Variants in GLS observed in about 807,000 individuals in gnomAD.
GLS encodes glutaminase.
Under a neutral mutation model 86.7 loss-of-function variants are expected in GLS, and 36 were observed. The observed-to-expected ratio is 0.42, with a 90% CI of 0.32 to 0.55. The LOEUF (loss-of-function observed/expected upper bound fraction) is 0.55, where lower values mean the gene tolerates loss of function less well. GLS is among the 20% of genes least tolerant of loss of function. The pLI is 0.17. For missense variants in GLS, 528 were observed against 833.4 expected (o/e 0.63, Z 4.51); for synonymous variants, 317 against 305.9 (o/e 1.04, Z -0.38).
In GLS at chr2:190,897,784, A is replaced by T. The variant is rs1352880744; in HGVS notation, c.605+2059A>T. On this transcript the variant is annotated intron_variant, in intron 3 of 17. Coordinates refer to ENST00000320717, the MANE Select transcript of GLS (RefSeq NM_014905.5). The surrounding 1 kb of genome is among the most constrained non-coding windows in gnomAD (Gnocchi z 4.3). The stretch of plus-strand genomic sequence containing the variant: ...ACATGGGATTCATTTTTCCCCAGAG[A>T]AATAATTTATAAAGGTGGGTAGGTT... Among the ~76,000 whole-genome samples, 1 of 152,192 alleles carries T rather than the reference A, an allele frequency of 6.6e-6. No individual in the cohort carries two copies. The highest frequency in any genetic ancestry group is 2.4e-5 in the African/African-American group (1 of 41,442).
At chr2:190,927,967 T>C (rs1246563652) in intron 12 of GLS, among the ~76,000 whole-genome samples, 1 of 152,164 alleles carries the variant, frequency 6.6e-6, no homozygotes, top group African/African-American at 2.4e-5. Context: ...TTTTATTTCA[T>C]TCTGCTCATG....
At chr2:190,882,519 G>A (rs537037939) in intron 1 of GLS, among the ~76,000 whole-genome samples, 67 of 152,012 alleles carry the variant, frequency 4.4e-4, no homozygotes, top group Non-Finnish European at 8.2e-4. Flanking sequence ...AACCTGTTTT[G>A]CTTCCCTTTT....
rs1689945701 is a variant in GLS, at chr2:190,927,718, T to C, written c.1425+236T>C. 1.0e-5 allele frequency: 4 copies of C among 385,032 alleles called. No homozygotes were observed. The South Asian group carries it at 1.5e-4, about 14-fold the overall frequency. 23.9% of individuals were successfully genotyped at this position (385,032 alleles called of 1,614,324 possible). On this transcript the variant is annotated intron_variant, in intron 12 of 17. Coordinates refer to ENST00000320717, the MANE Select transcript of GLS (RefSeq NM_014905.5). ...CTCATCCCTTCTGCTTTTAAGGCAA[T>C]CCAGTGTACAAGGTTAGTACAGTCT...
At position 190,953,483 on chromosome 2, in the gene GLS, T is replaced by C. The variant is rs956174839; in HGVS notation, c.1651-82T>C. The stretch of plus-strand genomic sequence containing the variant: ...ACTCAGCTGAAGTGTTCAAAGCACA[T>C]GGAAATCACTTGCCAGTGACAGGTG... On this transcript the variant is annotated intron_variant, in intron 14 of 17. Coordinates refer to ENST00000320717, the MANE Select transcript of GLS (RefSeq NM_014905.5). The surrounding 1 kb of genome is among the most constrained non-coding windows in gnomAD (Gnocchi z 4.0). 2 of 935,212 alleles carry C rather than the reference T, an allele frequency of 2.1e-6. No homozygotes were observed. Among genetic ancestry groups the C allele is most frequent in the African/African-American group, 1.6e-5 (1 of 62,082 alleles). 57.9% of individuals were successfully genotyped at this position (935,212 alleles called of 1,614,324 possible).
At chr2:190,916,882 A>G (rs993573655) in intron 7 of GLS, among the ~76,000 whole-genome samples, 6 of 152,202 alleles carry the variant, frequency 3.9e-5, no homozygotes, top group African/African-American at 1.4e-4. Flanking sequence ...TAATTAAAAA[A>G]TATTTTATAG....
intron 6 of GLS, among the ~76,000 whole-genome samples, chr2:190,909,015 A>G (rs1159858386): frequency 6.6e-6 from 1 of 152,242 alleles, no homozygotes. Context: ...AATGACAGAT[A>G]ATAAACATCC....
chr2:190,953,420 G>T lies in GLS; in HGVS notation c.1651-145G>T. ...AAGTATCACACACGTGGGTTCTTTT[G>T]GCTATGGAAGTGTCCTTGAGATCAC... On this transcript the variant is annotated intron_variant, in intron 14 of 17. Transcript: ENST00000320717. The surrounding 1 kb of genome is among the most constrained non-coding windows in gnomAD (Gnocchi z 4.0). 1.7e-6 allele frequency: 1 copy of T among 605,708 alleles called. No homozygotes were observed. The highest frequency in any genetic ancestry group is 3.0e-6 in the Non-Finnish European group (1 of 329,160). The allele number at this position is 605,708 out of a possible 1,614,324, so 37.5% of individuals were successfully genotyped here.
At chr2:190,885,881 A>G (rs1297976569) in intron 1 of GLS, among the ~76,000 whole-genome samples, 1 of 147,492 alleles carries the variant, frequency 6.8e-6, no homozygotes, top group Non-Finnish European at 1.5e-5. Flanking sequence ...TTATTTATTT[A>G]TTTATTTTTG....
chr2:190,921,010 T>C lies in GLS; in HGVS notation c.1039-14T>C. Reference sequence around the variant, plus strand: ...ACCTATATTAACGTATTTATGTCTCTTATTTTTTTGCAGCAAGGAGTAAAT... The same window carrying C: ...ACCTATATTAACGTATTTATGTCTCCTATTTTTTTGCAGCAAGGAGTAAAT... On this transcript the variant is annotated splice_polypyrimidine_tract_variant and intron_variant, in intron 7 of 17. Transcript: ENST00000320717. This position sits in a 1 kb window ranked among gnomAD's most constrained non-coding sequence, Gnocchi z 4.2. The C allele has an allele frequency of 6.8e-7, 1 of 1,464,496 alleles. No homozygotes were observed. Among genetic ancestry groups the C allele is most frequent in the Non-Finnish European group, 9.6e-7 (1 of 1,045,998 alleles). The allele number at this position is 1,464,496 out of a possible 1,614,324, so 90.7% of individuals were successfully genotyped here. A position where few individuals can be genotyped will look rare whatever the true frequency, so the allele number is the denominator to read the frequency against.
At chr2:190,911,039 A>G (rs991828375) in intron 7 of GLS, among the ~76,000 whole-genome samples, 1 of 150,830 alleles carries the variant, frequency 6.6e-6, no homozygotes, top group Non-Finnish European at 1.5e-5. Flanking sequence ...TAAATCTACC[A>G]CACGATTTTA....
rs1227765984 is a variant in GLS, at chr2:190,880,870, C to T, written c.-215C>T. 4 of 716,764 alleles carry T rather than the reference C, an allele frequency of 5.6e-6. No individual in the cohort carries two copies. Among genetic ancestry groups the T allele is most frequent in the Middle Eastern group, 7.5e-4 (2 of 2,676 alleles). 44.4% of individuals were successfully genotyped at this position (716,764 alleles called of 1,614,324 possible). A position where few individuals can be genotyped will look rare whatever the true frequency, so the allele number is the denominator to read the frequency against. ...AGAGAACCGGTCGCGGCAATCCTAG[C>T]GCGCAGCAGCAGCAGCAGCAGCAGC... On this transcript the variant is annotated 5_prime_UTR_variant, in exon 1 of 18. Coordinates refer to ENST00000320717, the MANE Select transcript of GLS (RefSeq NM_014905.5).
chr2:190,905,110 T>TA lies in GLS; in HGVS notation c.923dup (p.Tyr308Ter), dbSNP rs1212883982. The TA allele has an allele frequency of 6.2e-7, 1 of 1,606,158 alleles. No individual in the cohort carries two copies. ...TCTTGGAACTGAATATGTGCATCGA[T>TA]ATGTTGGAAAAGAGCCGAGTGGACT... ...NDLGTEYVHRYVGKEPSGLRF... is the reference protein window; with the variant it reads ...NDLGTEYVHR The change falls in exon 6 of 18, where the codon TAT (tyrosine) becomes TAAT (stop). Residue 308 changes from tyrosine (Y) to a stop codon, truncating the protein, a stop_gained and frameshift_variant. Transcript: ENST00000320717. LOFTEE classifies it high-confidence loss of function. The surrounding 1 kb of genome is among the most constrained non-coding windows in gnomAD (Gnocchi z 4.6).
At position 190,943,668 on chromosome 2, in the gene GLS, GTAT is replaced by G. The variant is rs1462398017; in HGVS notation, c.1651-9893_1651-9891del. 2.0e-5 allele frequency among the ~76,000 whole-genome samples: 3 copies of G among 152,086 alleles called. No individual in the cohort carries two copies. In the East Asian group the frequency reaches 5.8e-4, roughly 29 times the overall value. Reference sequence around the variant, plus strand: ...ATATGCTTTTCTCCAGCAATTTTCTGTATTATATGTTGGAGGAGCCTGCTATGT... The same window carrying G: ...ATATGCTTTTCTCCAGCAATTTTCTGTATATGTTGGAGGAGCCTGCTATGT... On this transcript the variant is annotated intron_variant, in intron 14 of 17. Transcript: ENST00000320717. The surrounding 1 kb of genome is among the most constrained non-coding windows in gnomAD (Gnocchi z 4.5).
intron 14 of GLS, among the ~76,000 whole-genome samples, chr2:190,948,998 G>C (rs765912827): frequency 2.0e-5 from 3 of 152,140 alleles, no homozygotes; most frequent in Non-Finnish European, 4.4e-5. Context: ...ATGCTGGGCT[G>C]GGATGGCCTG....
rs1689729134 is a variant in GLS, at chr2:190,921,299, TA to T, written c.1130+99del. 4.6e-5 allele frequency: 40 copies of T among 870,430 alleles called. No individual in the cohort carries two copies. The South Asian group carries it at 5.4e-4, about 12-fold the overall frequency. 53.9% of individuals were successfully genotyped at this position (870,430 alleles called of 1,614,324 possible). A position where few individuals can be genotyped will look rare whatever the true frequency, so the allele number is the denominator to read the frequency against. Reference sequence around the variant, plus strand: ...TCATTGGAGGGAAATGAATGATTTCTAAATTACCTGACAGAAACACTTAAAA... The same window carrying T: ...TCATTGGAGGGAAATGAATGATTTCTAATTACCTGACAGAAACACTTAAAA... On this transcript the variant is annotated intron_variant, in intron 9 of 17. Coordinates refer to ENST00000320717, the MANE Select transcript of GLS (RefSeq NM_014905.5). The surrounding 1 kb of genome is among the most constrained non-coding windows in gnomAD (Gnocchi z 4.2).
intron 6 of GLS, among the ~76,000 whole-genome samples, chr2:190,908,286 G>T (rs987376557): frequency 6.6e-6 from 1 of 151,852 alleles, no homozygotes; most frequent in Admixed American, 6.6e-5. Flanking sequence ...AATATTTTTC[G>T]TTCTTTAGTA....
intron 14 of GLS, among the ~76,000 whole-genome samples, chr2:190,946,239 C>T (rs1261712599): frequency 6.6e-6 from 1 of 152,070 alleles, no homozygotes; most frequent in African/African-American, 2.4e-5. Flanking sequence ...TTTCTTTAGC[C>T]ACAGTATAAT....
At chr2:190,885,039 A>T (rs1386347888) in intron 1 of GLS, among the ~76,000 whole-genome samples, 1 of 152,210 alleles carries the variant, frequency 6.6e-6, no homozygotes, top group Non-Finnish European at 1.5e-5. Flanking sequence ...GCATGCTTTA[A>T]AATATATTTA....
chr2:190,897,628 C>G lies in GLS; in HGVS notation c.605+1903C>G, dbSNP rs1283940103. ...CCTCCAACTGTTAACCTTTTAATAG[C>G]TTTCAGTCACCTGGAAAGGTGATTG... is the stretch of plus-strand genomic sequence containing the variant. On this transcript the variant is annotated intron_variant, in intron 3 of 17. Transcript: ENST00000320717. The surrounding 1 kb of genome is among the most constrained non-coding windows in gnomAD (Gnocchi z 4.3). Among the ~76,000 whole-genome samples the G allele has an allele frequency of 6.6e-6, 1 of 152,148 alleles. No homozygotes were observed. Among genetic ancestry groups the G allele is most frequent in the Non-Finnish European group, 1.5e-5 (1 of 68,006 alleles).
Sources: allele counts gnomAD v4.1 joint callset (sites outside exome capture counted in the v4.1 genomes callset), GRCh38; gene constraint gnomAD v4.1.1; non-coding constraint Gnocchi (gnomAD v3.1); transcripts MANE v1.5; gene names NCBI Gene and HGNC (gene_info 2026-07-23, HGNC 2026-07-21).